THNSL1: variants seen among roughly 807,000 people sequenced by gnomAD.
THNSL1 encodes threonine synthase like 1.
THNSL1 carries 48 observed loss-of-function variants against 50.4 expected under a neutral mutation model. The ratio of observed to expected loss-of-function variants is 0.95; its 90% CI spans 0.76 to 1.21. THNSL1 has a LOEUF of 1.21. Ranked by LOEUF, THNSL1 falls within the 50% of genes most tolerant of loss-of-function variation. The pLI, the probability that THNSL1 is intolerant of heterozygous loss-of-function variation, is 0.00. For missense variants in THNSL1, 896 were observed against 871.7 expected, an observed-to-expected ratio of 1.03 and a Z score of -0.35; for synonymous variants, 309 against 306.1, an observed-to-expected ratio of 1.01 and a Z score of -0.10.
chr10:24,995,657 T>C, the THNSL1 span: 3 of 1,610,086 alleles, frequency 1.9e-6, no homozygotes, highest in Admixed American at 1.7e-5. Context: ...TTTTTATTGA[T>C]GTACTTTGGA....
chr10:24,972,976 T>C, the THNSL1 span, among the ~76,000 whole-genome samples: 1 of 152,184 alleles, frequency 6.6e-6, no homozygotes, highest in African/African-American at 2.4e-5. Context: ...AATTAAGCTT[T>C]AAATTATAAA....
In THNSL1 at chr10:25,025,257, T is replaced by C; in HGVS notation, c.2034T>C (p.Ala678=). The C allele has an allele frequency of 6.2e-7, 1 of 1,614,198 alleles. No individual in the cohort carries two copies. Among genetic ancestry groups the C allele is most frequent in the Non-Finnish European group, 8.5e-7 (1 of 1,180,036 alleles). Residue 678 remains alanine, a synonymous_variant, in exon 3 of 3, where the codon GCT becomes GCC. Transcript: ENST00000376356. The part of the protein sequence containing the change: ...YSKFAPAIMQ[A]LKIKEINETS... ...AGTTTGCACCTGCTATCATGCAGGC[T>C]TTAAAGATTAAAGAAATCAATGAGA... is the stretch of plus-strand genomic sequence containing the variant.
the THNSL1 span, among the ~76,000 whole-genome samples, chr10:24,981,049 C>T: frequency 6.6e-6 from 1 of 152,164 alleles, no homozygotes; most frequent in African/African-American, 2.4e-5. Context: ...GATTTATCTT[C>T]CCACATAGTT....
chr10:24,990,976 A>G, the THNSL1 span, among the ~76,000 whole-genome samples: 13 of 152,312 alleles, frequency 8.5e-5, no homozygotes, highest in Admixed American at 7.8e-4. Context: ...GGCATGTGCC[A>G]GTAGTCCCAG....
chr10:24,971,786 G>A, the THNSL1 span, among the ~76,000 whole-genome samples: 1 of 152,124 alleles, frequency 6.6e-6, no homozygotes, highest in African/African-American at 2.4e-5. Flanking sequence ...ATCAACCAGG[G>A]GGCAGTTGTG....
the THNSL1 span, among the ~76,000 whole-genome samples, chr10:24,976,466 C>T: frequency 6.6e-6 from 1 of 152,052 alleles, no homozygotes; most frequent in Non-Finnish European, 1.5e-5. Flanking sequence ...ATCATCTATA[C>T]CTATAAAGCA....
chr10:24,984,747 A>G, the THNSL1 span: 9 of 1,608,486 alleles, frequency 5.6e-6, no homozygotes, highest in Non-Finnish European at 7.6e-6. Context: ...TATTGGCAAT[A>G]TAAATAATCT....
chr10:25,022,407 G>C (rs1850739912), intron 2 of THNSL1, among the ~76,000 whole-genome samples: 1 of 152,082 alleles, frequency 6.6e-6, no homozygotes, highest in South Asian at 2.1e-4. Flanking sequence ...GTGCAGATAA[G>C]GTTATATGTA....
At chr10:25,006,470 G>T in the THNSL1 span, among the ~76,000 whole-genome samples, 1 of 152,050 alleles carries the variant, frequency 6.6e-6, no homozygotes, top group Admixed American at 6.6e-5. Flanking sequence ...AGAAGCATGG[G>T]AAGGATCTTT....
At chr10:24,995,704 G>A in the THNSL1 span, 1 of 1,613,962 alleles carries the variant, frequency 6.2e-7, no homozygotes, top group East Asian at 2.2e-5. Flanking sequence ...CTTGTCTCCA[G>A]TTCTTTTATC....
At chr10:24,952,674 GGGGAC>G in the THNSL1 span, 1 of 884,648 alleles carries the variant, frequency 1.1e-6, no homozygotes, top group South Asian at 1.6e-5. The surrounding 1 kb of genome is among the most constrained non-coding windows in gnomAD (Gnocchi z 5.1). Flanking sequence ...GGACGGGGAC[GGGGAC>G]GGGGACGGGG....
the THNSL1 span, among the ~76,000 whole-genome samples, chr10:24,957,383 G>A: frequency 1.3e-5 from 2 of 152,108 alleles, no homozygotes; most frequent in Admixed American, 6.6e-5. Flanking sequence ...CTGGACCAAT[G>A]TCATGAAGTG....
chr10:25,017,252 T>C (rs1850619786), intron 1 of THNSL1, among the ~76,000 whole-genome samples: 1 of 152,230 alleles, frequency 6.6e-6, no homozygotes, highest in South Asian at 2.1e-4. Context: ...GAAGCGGTTT[T>C]ATTCCTTTTT....
At chr10:24,995,697 G>A in the THNSL1 span, 1 of 1,613,980 alleles carries the variant, frequency 6.2e-7, no homozygotes, top group Non-Finnish European at 8.5e-7. Context: ...GATCATGCTT[G>A]TCTCCAGTTC....
the THNSL1 span, among the ~76,000 whole-genome samples, chr10:24,960,641 G>T: frequency 6.6e-6 from 1 of 151,986 alleles, no homozygotes; most frequent in Non-Finnish European, 1.5e-5. Context: ...TGGCCAGGCT[G>T]GTCATGAACT....
the THNSL1 span, among the ~76,000 whole-genome samples, chr10:24,992,357 G>A: frequency 6.6e-6 from 1 of 152,162 alleles, no homozygotes; most frequent in Non-Finnish European, 1.5e-5. Context: ...GGTCGGGGAG[G>A]AACTCTCCGA....
At chr10:24,999,880 AG>A in the THNSL1 span, among the ~76,000 whole-genome samples, 1 of 152,270 alleles carries the variant, frequency 6.6e-6, no homozygotes, top group African/African-American at 2.4e-5. Flanking sequence ...CAGTCTGGCT[AG>A]GGGTCTATTA....
At chr10:25,012,889 A>G (rs1232436694), upstream of THNSL1, among the ~76,000 whole-genome samples, 1 of 152,144 alleles carries the variant, frequency 6.6e-6, no homozygotes, top group Non-Finnish European at 1.5e-5. Flanking sequence ...GTAGAATGAT[A>G]TGGTTTGGCT....
At chr10:25,015,824 C>G (rs1303196550), upstream of THNSL1, 1 of 1,558,948 alleles carries the variant, frequency 6.4e-7, no homozygotes, top group Non-Finnish European at 8.7e-7. Context: ...ATTCCCCATT[C>G]TTGTTTCAAG....
Sources: gnomAD v4.1 joint callset for allele counts (sites outside exome capture counted in the v4.1 genomes callset) on GRCh38, gnomAD v4.1.1 for gene constraint, Gnocchi (gnomAD v3.1) non-coding constraint, MANE v1.5 for transcripts, NCBI Gene and HGNC (gene_info 2026-07-23, HGNC 2026-07-21) for gene names.